ITPR2: variants seen among roughly 807,000 people sequenced by gnomAD.
ITPR2 encodes the protein inositol 1,4,5-trisphosphate-gated calcium channel ITPR2.
ITPR2 carries 207 observed loss-of-function variants against 317.1 expected under a neutral mutation model. The observed-to-expected ratio is 0.65, with a 90% CI of 0.58 to 0.73. The LOEUF is 0.73. ITPR2 is among the 30% of genes least tolerant of loss of function. The pLI, the probability that ITPR2 is intolerant of heterozygous loss-of-function variation, is 0.00. For missense variants in ITPR2, 2,613 were observed against 3,284.0 expected (o/e 0.80, Z 4.99); for synonymous variants, 1,156 against 1,149.1 (o/e 1.01, Z -0.12).
chr12:26,368,805 A>C (rs570418388), intron 55 of ITPR2, among the ~76,000 whole-genome samples: 4 of 152,370 alleles, frequency 2.6e-5, no homozygotes, highest in African/African-American at 9.6e-5. Context: ...ACAATGAAAA[A>C]AACAAAGTTG....
At chr12:26,376,229 A>G (rs1367799380) in intron 55 of ITPR2, among the ~76,000 whole-genome samples, 1 of 152,226 alleles carries the variant, frequency 6.6e-6, no homozygotes, top group Non-Finnish European at 1.5e-5. Flanking sequence ...TTGTGGAGGT[A>G]TCATCTAAAA....
At position 26,833,094 on chromosome 12, in the gene ITPR2, C is replaced by T; in HGVS notation, c.-313G>A. ...CTTTCTGAAGTTTTCTCTCCAACAC[C>T]TTTGCTCCTCCTCCTCCTCCTTCCC... is the stretch of plus-strand genomic sequence containing the variant. On this transcript the variant is annotated 5_prime_UTR_variant, in exon 1 of 57. Transcript: ENST00000381340. The T allele has an allele frequency of 6.0e-6, 2 of 335,864 alleles. No individual in the cohort carries two copies. Among genetic ancestry groups the T allele is most frequent in the Non-Finnish European group, 1.1e-5 (2 of 185,498 alleles). The allele number at this position is 335,864 out of a possible 1,614,324, so 20.8% of individuals were successfully genotyped here. A position where few individuals can be genotyped will look rare whatever the true frequency, so the allele number is the denominator to read the frequency against.
At chr12:26,733,313 C>CAAAAAA (rs1200350846) in intron 2 of ITPR2, among the ~76,000 whole-genome samples, 1 of 49,530 alleles carries the variant, frequency 2.0e-5, no homozygotes, top group African/African-American at 6.6e-5. Flanking sequence ...GACTCCATCT[C>CAAAAAA]AAAAAAAAAA....
chr12:26,711,213 C>G lies in ITPR2; in HGVS notation c.911G>C (p.Arg304Thr). 1 of 1,613,944 alleles carries G rather than the reference C, an allele frequency of 6.2e-7. No homozygotes were observed. The highest frequency in any genetic ancestry group is 8.5e-7 in the Non-Finnish European group (1 of 1,179,890). Residue 304 changes from arginine (R) to threonine (T), a missense_variant, in exon 9 of 57, where the codon AGA becomes ACA. By Grantham distance (71) the Arg-to-Thr change is moderately conservative. Coordinates refer to ENST00000381340, the MANE Select transcript of ITPR2 (RefSeq NM_002223.4). ...GTTTCCAGTTGCAAGATGCTTAAAT[C>G]TGAACAAGCTGTTCCACTGTCCTGC... ...GGAGQWNSLFRFKHLATGNYL... is the reference protein window; with the variant it reads ...GGAGQWNSLFTFKHLATGNYL...
chr12:26,800,039 G>A (rs1006297488), intron 1 of ITPR2, among the ~76,000 whole-genome samples: 3 of 152,040 alleles, frequency 2.0e-5, no homozygotes, highest in Non-Finnish European at 2.9e-5. Flanking sequence ...CAATTTGCAG[G>A]TGCTCTCAGG....
intron 45 of ITPR2, among the ~76,000 whole-genome samples, chr12:26,449,142 T>A (rs1409410534): frequency 6.6e-6 from 1 of 152,212 alleles, no homozygotes; most frequent in East Asian, 1.9e-4. Context: ...ATCTGTATTT[T>A]TTTAATGTGA....
intron 1 of ITPR2, among the ~76,000 whole-genome samples, chr12:26,819,434 A>G (rs1950905885): frequency 6.6e-6 from 1 of 152,200 alleles, no homozygotes; most frequent in Non-Finnish European, 1.5e-5. Flanking sequence ...AATGCTTATC[A>G]TTTTCCAAAC....
Position 26,427,940 on chromosome 12 carries a change from A to G in ITPR2, c.6918T>C (p.Pro2306=), listed in dbSNP as rs756766500. 6 of 1,594,698 alleles carry G rather than the reference A, an allele frequency of 3.8e-6. No individual in the cohort carries two copies. The highest frequency in any genetic ancestry group is 4.3e-6 in the Non-Finnish European group (5 of 1,171,654). ...LRSIYTIGLG[P]TLILLGAANL... is the part of the protein sequence containing the mutation. The stretch of plus-strand genomic sequence containing the variant: ...TAGCTGCACCAAGAAGTATTAATGT[A>G]GGCCCAAGACCTATTGTATATATTG... Residue 2306 remains proline (P), a synonymous_variant, in exon 49 of 57, where the codon CCT becomes CCC. Transcript: ENST00000381340.
intron 37 of ITPR2, among the ~76,000 whole-genome samples, chr12:26,524,643 T>C (rs1008089925): frequency 6.6e-6 from 1 of 152,186 alleles, no homozygotes; most frequent in Non-Finnish European, 1.5e-5. Context: ...CTCAAGTACA[T>C]GGCAATGTCT....
rs572517736 is a variant in ITPR2, at chr12:26,496,943, C to CAA, written c.5074-1685_5074-1684dup. On this transcript the variant is annotated intron_variant, in intron 37 of 56. Transcript: ENST00000381340. ...TGGGCGACAGAGCGAGACTCCATCT[C>CAA]AAAAAAAAAAAAAAGAAGATCACAC... is the stretch of plus-strand genomic sequence containing the variant. Among the ~76,000 whole-genome samples the CAA allele has an allele frequency of 8.5e-3, 908 of 106,816 alleles. 24 individuals carry two copies. Among genetic ancestry groups the CAA allele is most frequent in the African/African-American group, 0.032 (856 of 27,030 alleles). The allele number at this position is 106,816 out of a possible 152,430, so 70.1% of individuals were successfully genotyped here.
Position 26,775,933 on chromosome 12 carries a change from CAT to C in ITPR2, c.163+14222_163+14223del. 9.4e-5 allele frequency among the ~76,000 whole-genome samples: 8 copies of C among 85,380 alleles called. 1 individual carries two copies. Among genetic ancestry groups the C allele is most frequent in the Admixed American group, 2.3e-4 (2 of 8,792 alleles). The allele number at this position is 85,380 out of a possible 152,430, so 56.0% of individuals were successfully genotyped here. A position where few individuals can be genotyped will look rare whatever the true frequency, so the allele number is the denominator to read the frequency against. On this transcript the variant is annotated intron_variant, in intron 2 of 56. Transcript: ENST00000381340. ...ATACCACTTAATAAACTCCCCTTTA[CAT>C]ATATATATATATGTATATGTATATC...
At chr12:26,366,369 A>G (rs545419440) in intron 55 of ITPR2, among the ~76,000 whole-genome samples, 23 of 152,310 alleles carry the variant, frequency 1.5e-4, no homozygotes, top group Admixed American at 1.0e-3. Flanking sequence ...TTTGATGTGT[A>G]TAGTTATCTG....
chr12:26,764,717 C>CA (rs34500117), intron 2 of ITPR2, among the ~76,000 whole-genome samples: 55,282 of 151,542 alleles, frequency 0.36, 12,575 homozygotes, highest in Non-Finnish European at 0.53. Flanking sequence ...ACAACAACAA[C>CA]AAAAAAACTG....
At chr12:26,451,365 T>TCACACACACACACACACACACACACA (rs57642539) in intron 45 of ITPR2, among the ~76,000 whole-genome samples, 1 of 136,324 alleles carries the variant, frequency 7.3e-6, no homozygotes, top group Admixed American at 7.2e-5. Flanking sequence ...TTCTCTCATA[T>TCACACACACACACACACACACACACA]CACACACACA....
chr12:26,782,554 T>C (rs935649660), intron 2 of ITPR2, among the ~76,000 whole-genome samples: 2 of 152,174 alleles, frequency 1.3e-5, no homozygotes, highest in Admixed American at 1.3e-4. Flanking sequence ...ATTCAATAGA[T>C]AGTATGGCAC....
At chr12:26,507,181 G>A (rs968073320) in intron 37 of ITPR2, among the ~76,000 whole-genome samples, 1 of 152,116 alleles carries the variant, frequency 6.6e-6, no homozygotes, top group African/African-American at 2.4e-5. Flanking sequence ...ATTTTGCAGA[G>A]AGAAAACTAT....
At chr12:26,434,995 A>AT (rs1422987175) in intron 48 of ITPR2, among the ~76,000 whole-genome samples, 1 of 152,198 alleles carries the variant, frequency 6.6e-6, no homozygotes, top group Non-Finnish European at 1.5e-5. Context: ...GGATGGCCAA[A>AT]TATTTGCTAC....
intron 44 of ITPR2, 90 bp from the exon 45 acceptor site, chr12:26,475,508 T>A: frequency 7.1e-7 from 1 of 1,409,558 alleles, no homozygotes. Flanking sequence ...GGCAGCTTCA[T>A]AAGCCTCAAA....
intron 21 of ITPR2, among the ~76,000 whole-genome samples, chr12:26,645,455 G>A (rs1427783349): frequency 6.6e-6 from 1 of 152,152 alleles, no homozygotes; most frequent in Non-Finnish European, 1.5e-5. Context: ...AACCACATAT[G>A]GAAGATGGGT....
Sources: gnomAD v4.1 joint callset for allele counts (sites outside exome capture counted in the v4.1 genomes callset) on GRCh38, gnomAD v4.1.1 for gene constraint, MANE v1.5 for transcripts, NCBI Gene and HGNC (gene_info 2026-07-23, HGNC 2026-07-21) for gene names.